The following JAZF1 variants were observed in gnomAD, a reference collection of about 807,000 sequenced individuals.
JAZF1 encodes JAZF zinc finger 1, also known as juxtaposed with another zinc finger protein 1.
Under a neutral mutation model 26.4 loss-of-function variants are expected in JAZF1, and 8 were observed. The ratio of observed to expected loss-of-function variants is 0.30; its 90% CI spans 0.18 to 0.55. The LOEUF (loss-of-function observed/expected upper bound fraction) is 0.55, where lower values mean the gene tolerates loss of function less well. Ranked by LOEUF, JAZF1 falls within the 20% of genes least tolerant of loss-of-function variation. The pLI is 0.94. For synonymous variants in JAZF1, 126 were observed against 122.3 expected (o/e 1.03, Z -0.20); for missense variants, 199 against 322.0 (o/e 0.62, Z 2.92).
At chr7:28,023,018 T>C (rs1230749834) in intron 1 of JAZF1, among the ~76,000 whole-genome samples, 1 of 152,186 alleles carries the variant, frequency 6.6e-6, no homozygotes, top group Non-Finnish European at 1.5e-5. Context: ...AGGTCGGTGC[T>C]TCGTGAGGAT....
intron 1 of JAZF1, among the ~76,000 whole-genome samples, chr7:28,132,657 T>C (rs1466839444): frequency 3.3e-5 from 5 of 152,222 alleles, no homozygotes; most frequent in South Asian, 4.1e-4. Context: ...TATTCAGAAT[T>C]ACCCTGCATC....
chr7:28,174,249 T>A (rs774493342), intron 1 of JAZF1, among the ~76,000 whole-genome samples: 16 of 152,116 alleles, frequency 1.1e-4, no homozygotes, highest in Non-Finnish European at 1.9e-4. Flanking sequence ...ATGTGGGGTA[T>A]GTATGATTGT....
intron 1 of JAZF1, among the ~76,000 whole-genome samples, chr7:28,040,567 G>A (rs1181452952): frequency 6.6e-6 from 1 of 152,150 alleles, no homozygotes; most frequent in Admixed American, 6.5e-5. Context: ...ACAGTGGGGA[G>A]GTGGGAATGA....
chr7:28,145,807 C>T (rs886663), intron 1 of JAZF1, among the ~76,000 whole-genome samples: 25,846 of 152,100 alleles, frequency 0.17, 2,845 homozygotes, highest in East Asian at 0.47. Flanking sequence ...AGGACGCTGG[C>T]AACCACTTTG....
chr7:28,154,019 C>T (rs959551130), intron 1 of JAZF1, among the ~76,000 whole-genome samples: 1 of 152,008 alleles, frequency 6.6e-6, no homozygotes, highest in Non-Finnish European at 1.5e-5. Flanking sequence ...TGGGAAATGC[C>T]AAGAATTCTC....
At chr7:27,870,860 T>G (rs1466219015) in intron 3 of JAZF1, among the ~76,000 whole-genome samples, 4 of 152,172 alleles carry the variant, frequency 2.6e-5, no homozygotes, top group Non-Finnish European at 5.9e-5. Flanking sequence ...CAGTACTCTG[T>G]GATTGTGTCC....
At chr7:27,865,836 C>G (rs1178177338) in intron 3 of JAZF1, among the ~76,000 whole-genome samples, 1 of 152,196 alleles carries the variant, frequency 6.6e-6, no homozygotes, top group African/African-American at 2.4e-5. Flanking sequence ...GGACAGTATG[C>G]AGAAGATTCC....
At chr7:28,046,835 C>A (rs1235239059) in intron 1 of JAZF1, among the ~76,000 whole-genome samples, 1 of 152,108 alleles carries the variant, frequency 6.6e-6, no homozygotes, top group Non-Finnish European at 1.5e-5. Context: ...CTTTTCCTTA[C>A]TGATTTGTGG....
At chr7:27,997,533 C>T (rs1351458400) in intron 1 of JAZF1, among the ~76,000 whole-genome samples, 26 of 152,158 alleles carry the variant, frequency 1.7e-4, no homozygotes, top group Admixed American at 1.7e-3. Context: ...ATCCATGCTT[C>T]CATCCAGAGC....
chr7:28,180,284 T>G, intron 1 of JAZF1, 179 bp downstream of exon 1: 1 of 55,078 alleles, frequency 1.8e-5, no homozygotes. Context: ...CCGAGCCCGC[T>G]CCCCGCCCCC....
chr7:27,938,725 G>GCT (rs1470833131), intron 2 of JAZF1, among the ~76,000 whole-genome samples: 1 of 151,960 alleles, frequency 6.6e-6, no homozygotes, highest in Admixed American at 6.6e-5. Context: ...AGGCTGGAGT[G>GCT]CAGTGGCATG....
At chr7:27,891,307 T>C (rs1392152770) in intron 3 of JAZF1, among the ~76,000 whole-genome samples, 6 of 152,208 alleles carry the variant, frequency 3.9e-5, no homozygotes, top group Admixed American at 1.3e-4. Context: ...GGTGGTTCTA[T>C]AGCTGCTTGC....
At chr7:27,869,474 T>C (rs1783543407) in intron 3 of JAZF1, among the ~76,000 whole-genome samples, 1 of 152,144 alleles carries the variant, frequency 6.6e-6, no homozygotes, top group South Asian at 2.1e-4. Flanking sequence ...GGCACCAACA[T>C]GGAGGTACAA....
intron 1 of JAZF1, among the ~76,000 whole-genome samples, chr7:28,043,314 T>A (rs1437734575): frequency 1.3e-5 from 2 of 152,060 alleles, no homozygotes; most frequent in African/African-American, 4.8e-5. Context: ...CTGTTGTGAG[T>A]CTGTTTTTTT....
At chr7:27,990,539 A>C (rs1785879174) in intron 2 of JAZF1, among the ~76,000 whole-genome samples, 1 of 152,222 alleles carries the variant, frequency 6.6e-6, no homozygotes, top group African/African-American at 2.4e-5. Flanking sequence ...TCTTATTAGA[A>C]TATGGCTTAG....
At chr7:27,984,147 C>T (rs959896132) in intron 2 of JAZF1, among the ~76,000 whole-genome samples, 3 of 152,208 alleles carry the variant, frequency 2.0e-5, no homozygotes, top group Non-Finnish European at 2.9e-5. Flanking sequence ...TTAAAAGACA[C>T]AGACTGGTAA....
chr7:28,104,083 A>G (rs570958747), intron 1 of JAZF1, among the ~76,000 whole-genome samples: 13 of 152,224 alleles, frequency 8.5e-5, no homozygotes, highest in African/African-American at 3.1e-4. Context: ...TCAGGGCCCC[A>G]GTCCGAGCTG....
chr7:28,077,566 C>A (rs754336905), intron 1 of JAZF1, among the ~76,000 whole-genome samples: 1 of 148,648 alleles, frequency 6.7e-6, no homozygotes, highest in Non-Finnish European at 1.5e-5. Flanking sequence ...CCTGATAGAA[C>A]CACCTTAACT....
At chr7:27,886,140 C>T (rs755412587) in intron 3 of JAZF1, among the ~76,000 whole-genome samples, 4 of 152,172 alleles carry the variant, frequency 2.6e-5, no homozygotes, top group Non-Finnish European at 5.9e-5. Flanking sequence ...TCAGTGTAAA[C>T]ACAGCAGTTG....
Sources: allele counts gnomAD v4.1 joint callset (sites outside exome capture counted in the v4.1 genomes callset), GRCh38; gene constraint gnomAD v4.1.1; transcripts MANE v1.5; gene names NCBI Gene and HGNC (gene_info 2026-07-23, HGNC 2026-07-21).